The following FRMD4B variants were observed in gnomAD, a reference collection of about 807,000 sequenced individuals.
The protein encoded by FRMD4B is FERM domain containing 4B, also known as FERM domain-containing protein 4B.
A neutral mutation model predicts 141.5 loss-of-function variants in FRMD4B; 74 were observed. That is an observed-to-expected ratio of 0.52 (90% CI 0.43 to 0.63). The LOEUF (loss-of-function observed/expected upper bound fraction) is 0.63, where lower values mean the gene tolerates loss of function less well. Ranked by LOEUF, FRMD4B falls within the 30% of genes least tolerant of loss-of-function variation. The probability of loss-of-function intolerance (pLI) is 0.00; values close to 1 mark genes in which losing one functional copy is unlikely to be tolerated. For synonymous variants in FRMD4B, 506 were observed against 467.9 expected, an observed-to-expected ratio of 1.08 and a Z score of -1.05; for missense variants, 1,366 against 1,253.4, an observed-to-expected ratio of 1.09 and a Z score of -1.36.
chr3:69,230,157 T>C (rs2093293435), intron 7 of FRMD4B, among the ~76,000 whole-genome samples: 1 of 151,832 alleles, frequency 6.6e-6, no homozygotes, highest in Non-Finnish European at 1.5e-5. Flanking sequence ...TTTGTATTTT[T>C]AGTAGAGATG....
chr3:69,275,577 C>T (rs566682958), intron 5 of FRMD4B, among the ~76,000 whole-genome samples: 8 of 151,940 alleles, frequency 5.3e-5, no homozygotes, highest in African/African-American at 1.9e-4. Context: ...GTAGCTAGGA[C>T]CACAGGCATG....
At position 69,299,646 on chromosome 3, in the gene FRMD4B, A is replaced by C. The variant is rs568974729; in HGVS notation, c.416+2697T>G. ...CTTTTTCATCTAATCTCTTTTGTTA[A>C]AGTGATTCATTGTTTACTATAAAAG... On this transcript the variant is annotated intron_variant, in intron 4 of 22. Transcript: ENST00000398540. 3.3e-5 allele frequency among the ~76,000 whole-genome samples: 5 copies of C among 152,304 alleles called. No individual in the cohort carries two copies. The East Asian group carries it at 9.6e-4, about 29-fold the overall frequency.
At chr3:69,432,143 C>T (rs561355045) in intron 2 of FRMD4B, among the ~76,000 whole-genome samples, 2 of 152,300 alleles carry the variant, frequency 1.3e-5, no homozygotes, top group Admixed American at 1.3e-4. Flanking sequence ...AAAGCTCTCC[C>T]TTACTCCAAT....
chr3:69,210,178 A>G (rs1337106824), intron 11 of FRMD4B, among the ~76,000 whole-genome samples: 3 of 152,226 alleles, frequency 2.0e-5, no homozygotes, highest in Non-Finnish European at 4.4e-5. Context: ...AGGCAAAAAG[A>G]TACTTATCTT....
chr3:69,437,172 A>G (rs1468217298), intron 1 of FRMD4B, among the ~76,000 whole-genome samples: 1 of 152,094 alleles, frequency 6.6e-6, no homozygotes, highest in African/African-American at 2.4e-5. Context: ...CCCCAGGCTC[A>G]AGCGACCCAC....
At chr3:69,223,383 C>T (rs899736628) in intron 8 of FRMD4B, among the ~76,000 whole-genome samples, 8 of 151,910 alleles carry the variant, frequency 5.3e-5, no homozygotes, top group African/African-American at 1.9e-4. Context: ...GGCATCGTAC[C>T]GTGTGCCTGT....
intron 2 of FRMD4B, among the ~76,000 whole-genome samples, chr3:69,393,207 G>A (rs1001630128): frequency 6.6e-6 from 1 of 152,020 alleles, no homozygotes; most frequent in African/African-American, 2.4e-5. Context: ...TCCTGGGGGT[G>A]TAGGAGGGGG....
intron 2 of FRMD4B, among the ~76,000 whole-genome samples, chr3:69,405,380 T>C (rs943733360): frequency 9.2e-5 from 14 of 152,204 alleles, no homozygotes; most frequent in Non-Finnish European, 1.8e-4. Flanking sequence ...AGGATGCTGA[T>C]TGACTATCAT....
intron 3 of FRMD4B, among the ~76,000 whole-genome samples, chr3:69,305,891 T>C (rs913196816): frequency 6.6e-6 from 1 of 152,212 alleles, no homozygotes; most frequent in Non-Finnish European, 1.5e-5. Flanking sequence ...TTCAAAACAC[T>C]ATTAAATATT....
intron 11 of FRMD4B, chr3:69,200,939 C>A (rs1368459570): frequency 2.9e-5 from 13 of 444,478 alleles, no homozygotes; most frequent in South Asian, 1.7e-4. Context: ...GTCACCACCT[C>A]CCCCTCTTAT....
At chr3:69,256,868 G>C (rs2093496352) in intron 5 of FRMD4B, among the ~76,000 whole-genome samples, 1 of 152,152 alleles carries the variant, frequency 6.6e-6, no homozygotes, top group African/African-American at 2.4e-5. Flanking sequence ...AGTTGTTAGA[G>C]GTAATCTTTA....
intron 1 of FRMD4B, among the ~76,000 whole-genome samples, chr3:69,489,490 C>T (rs1040950189): frequency 3.9e-5 from 6 of 151,958 alleles, no homozygotes; most frequent in Non-Finnish European, 8.8e-5. Flanking sequence ...AAAAGATGCT[C>T]AGTCTCATTA....
chr3:69,469,613 T>C (rs1414879518), intron 1 of FRMD4B, among the ~76,000 whole-genome samples: 1 of 152,214 alleles, frequency 6.6e-6, no homozygotes, highest in Admixed American at 6.5e-5. Context: ...GGTTCAATTA[T>C]ATTTTGCTCA....
At chr3:69,409,031 T>A (rs1367541294) in intron 2 of FRMD4B, among the ~76,000 whole-genome samples, 1 of 152,142 alleles carries the variant, frequency 6.6e-6, no homozygotes, top group African/African-American at 2.4e-5. Flanking sequence ...AACACTTCCA[T>A]CCTGAGGTTG....
At chr3:69,484,761 C>T (rs945677150) in intron 1 of FRMD4B, among the ~76,000 whole-genome samples, 12 of 152,038 alleles carry the variant, frequency 7.9e-5, no homozygotes, top group Non-Finnish European at 1.8e-4. Flanking sequence ...GCAGCTGGTC[C>T]TCTCATCATC....
chr3:69,435,359 T>TAA (rs76741517), intron 1 of FRMD4B, among the ~76,000 whole-genome samples: 3 of 143,028 alleles, frequency 2.1e-5, no homozygotes, highest in African/African-American at 5.1e-5. Flanking sequence ...GGTTTTAGGT[T>TAA]AAAAAAAAAA....
chr3:69,250,322 T>TGTGTGTGTG (rs1486118891), intron 5 of FRMD4B: 32 of 486,378 alleles, frequency 6.6e-5, no homozygotes, highest in Admixed American at 1.8e-4. Flanking sequence ...TGTGTGTCTA[T>TGTGTGTGTG]TTTAAATAGC....
intron 1 of FRMD4B, among the ~76,000 whole-genome samples, chr3:69,508,949 C>A (rs974282929): frequency 3.3e-5 from 5 of 152,198 alleles, no homozygotes; most frequent in Non-Finnish European, 7.3e-5. Flanking sequence ...AGCTAGAATT[C>A]GAACCCATTG....
chr3:69,201,238 A>G (rs972146974), intron 11 of FRMD4B, among the ~76,000 whole-genome samples: 1 of 152,132 alleles, frequency 6.6e-6, no homozygotes. Flanking sequence ...GTGGATTGGA[A>G]TGATACAAAA....
Sources: allele counts gnomAD v4.1 joint callset (sites outside exome capture counted in the v4.1 genomes callset), GRCh38; gene constraint gnomAD v4.1.1; transcripts MANE v1.5; gene names NCBI Gene and HGNC (gene_info 2026-07-23, HGNC 2026-07-21).